Variants in MED12L observed in about 807,000 individuals in gnomAD.
MED12L encodes the protein mediator complex subunit 12L, also known as mediator of RNA polymerase II transcription subunit 12-like protein.
Under a neutral mutation model 281.3 loss-of-function variants are expected in MED12L, and 60 were observed. The observed-to-expected ratio is 0.21, with a 90% CI of 0.17 to 0.26. The LOEUF (loss-of-function observed/expected upper bound fraction) is 0.26. Among genes scored for constraint, MED12L ranks in the 10% least tolerant of loss-of-function variants. The pLI is 1.00. For missense variants in MED12L, 2,146 were observed against 2,680.9 expected, an observed-to-expected ratio of 0.80 and a Z score of 4.41; for synonymous variants, 974 against 987.2, an observed-to-expected ratio of 0.99 and a Z score of 0.25.
At position 151,205,293 on chromosome 3, in the gene MED12L, A is replaced by G. The variant is rs192252996; in HGVS notation, c.2250+11627A>G. 3.0e-3 allele frequency among the ~76,000 whole-genome samples: 458 copies of G among 152,320 alleles called. 2 individuals carry two copies. Among genetic ancestry groups the G allele is most frequent in the African/African-American group, 0.011 (442 of 41,554 alleles). ...CTTGGTCATGGCAGTACTTTTTGTT[A>G]AAGAAATAATCTATTCATTACTTAT... On this transcript the variant is annotated intron_variant, in intron 16 of 44. Transcript: ENST00000687756.
chr3:151,197,526 C>T (rs550215689), intron 16 of MED12L, among the ~76,000 whole-genome samples: 5 of 152,226 alleles, frequency 3.3e-5, no homozygotes, highest in Admixed American at 2.6e-4. Context: ...CTGAGTAGCT[C>T]GGCCTGTGCT....
In MED12L at chr3:151,085,874, G is replaced by A. The variant is rs945661810; in HGVS notation, c.-192G>A. The A allele has an allele frequency of 2.8e-4, 43 of 152,184 alleles. No individual in the cohort carries two copies. Among genetic ancestry groups the A allele is most frequent in the African/African-American group, 9.4e-4 (39 of 41,558 alleles). 9.4% of individuals were successfully genotyped at this position (152,184 alleles called of 1,614,324 possible). ...CCCCCATCCCAACCCGAATGATGGA[G>A]GCTGCGGCGGCCGGAGTGACCCCGC... On this transcript the variant is annotated 5_prime_UTR_variant, in exon 1 of 45. Transcript: ENST00000687756.
In MED12L at chr3:151,119,715, CTAAG is replaced by C. The variant is rs1295704860; in HGVS notation, c.205-3064_205-3061del. Among the ~76,000 whole-genome samples, 3 of 152,188 alleles carry C rather than the reference CTAAG, an allele frequency of 2.0e-5. No individual in the cohort carries two copies. In the East Asian group the frequency reaches 5.8e-4, roughly 29 times the overall value. ...TAAAGTTTTATGTCAGTTTAAATAACTAAGTAAATGGAAATAACATCTATTACAC... is the reference window on the plus strand; with the variant it reads ...TAAAGTTTTATGTCAGTTTAAATAACTAAATGGAAATAACATCTATTACAC... On this transcript the variant is annotated intron_variant, in intron 3 of 44. Transcript: ENST00000687756.
intron 5 of MED12L, among the ~76,000 whole-genome samples, chr3:151,129,760 G>T (rs1405965084): frequency 6.7e-6 from 1 of 149,718 alleles, no homozygotes; most frequent in Non-Finnish European, 1.5e-5. Context: ...TATCTCCACT[G>T]GATTAACTTA....
intron 5 of MED12L, among the ~76,000 whole-genome samples, chr3:151,151,519 G>T (rs371158448): frequency 3.4e-5 from 5 of 145,850 alleles, no homozygotes; most frequent in Non-Finnish European, 4.4e-5. Flanking sequence ...ACACTTAAAG[G>T]TTATTGTAGG....
intron 2 of MED12L, among the ~76,000 whole-genome samples, chr3:151,096,870 C>T (rs879271429): frequency 4.6e-5 from 7 of 152,248 alleles, no homozygotes; most frequent in African/African-American, 7.2e-5. Context: ...AACACCCTCA[C>T]GTTGCCCTGG....
intron 16 of MED12L, among the ~76,000 whole-genome samples, chr3:151,270,964 T>G (rs1276459290): frequency 6.6e-6 from 1 of 151,900 alleles, no homozygotes; most frequent in Non-Finnish European, 1.5e-5. Flanking sequence ...ATGTTAAAAG[T>G]GTACAAGTTG....
chr3:151,148,252 A>G (rs1717996478), intron 5 of MED12L, among the ~76,000 whole-genome samples: 1 of 152,158 alleles, frequency 6.6e-6, no homozygotes, highest in Admixed American at 6.5e-5. Context: ...TTCTAGATCC[A>G]ACTCCTTTAT....
chr3:151,363,477 A>C (rs1026307889), intron 21 of MED12L, among the ~76,000 whole-genome samples: 8 of 152,142 alleles, frequency 5.3e-5, no homozygotes, highest in African/African-American at 1.9e-4. Context: ...TCTACCACTG[A>C]TTGAGCTACT....
At chr3:151,390,217 A>G in intron 38 of MED12L, 82 bp downstream of exon 38, 2 of 1,376,082 alleles carry the variant, frequency 1.5e-6, no homozygotes, top group Non-Finnish European at 1.0e-6. Flanking sequence ...AACCTCCACA[A>G]AACTTGGACA....
At chr3:151,245,184 A>G (rs1432332029) in intron 16 of MED12L, among the ~76,000 whole-genome samples, 4 of 152,236 alleles carry the variant, frequency 2.6e-5, no homozygotes, top group African/African-American at 9.6e-5. Flanking sequence ...GAATTCTACC[A>G]GAGGTATAAG....
intron 16 of MED12L, chr3:151,340,913 T>C (rs1473373639): frequency 6.6e-6 from 1 of 152,226 alleles, no homozygotes; most frequent in Non-Finnish European, 1.5e-5. Flanking sequence ...TGAGGATGGC[T>C]GAGAAGTCAT....
chr3:151,109,086 C>T (rs1462346168), intron 2 of MED12L, among the ~76,000 whole-genome samples: 5 of 149,882 alleles, frequency 3.3e-5, no homozygotes. Flanking sequence ...GAGATGGAGT[C>T]TCGCTCTGTC....
At chr3:151,407,785 C>A (rs1339020226) in intron 39 of MED12L, among the ~76,000 whole-genome samples, 1 of 152,086 alleles carries the variant, frequency 6.6e-6, no homozygotes, top group Non-Finnish European at 1.5e-5. Flanking sequence ...CTCAGAGGTA[C>A]ACTCAAAAAT....
chr3:151,253,118 C>T (rs1205456008), intron 16 of MED12L, among the ~76,000 whole-genome samples: 6 of 152,184 alleles, frequency 3.9e-5, no homozygotes, highest in Admixed American at 3.3e-4. Flanking sequence ...ACAGAATCCA[C>T]TAGCATGCAG....
intron 16 of MED12L, among the ~76,000 whole-genome samples, chr3:151,275,778 A>C (rs183842154): frequency 1.9e-4 from 29 of 152,312 alleles, no homozygotes; most frequent in Admixed American, 7.2e-4. Flanking sequence ...TGAGAATTTA[A>C]AATAGATTTT....
At chr3:151,087,614 A>G (rs112962478) in intron 2 of MED12L, among the ~76,000 whole-genome samples, 5 of 152,316 alleles carry the variant, frequency 3.3e-5, no homozygotes, top group African/African-American at 1.2e-4. Context: ...CTCTAGAGGC[A>G]ATGGGCTTAA....
intron 43 of MED12L, 23 bp downstream of exon 43, chr3:151,416,445 C>G (rs888950376): frequency 6.2e-7 from 1 of 1,605,080 alleles, no homozygotes; most frequent in Non-Finnish European, 8.5e-7. Flanking sequence ...GTTTTGGAAT[C>G]AGACATGTGG....
At chr3:151,302,768 C>G (rs1281991756) in intron 16 of MED12L, among the ~76,000 whole-genome samples, 1 of 152,190 alleles carries the variant, frequency 6.6e-6, no homozygotes, top group East Asian at 1.9e-4. Flanking sequence ...CAGCCATAAC[C>G]TGATCTCTTT....
Sources: allele counts gnomAD v4.1 joint callset (sites outside exome capture counted in the v4.1 genomes callset), GRCh38; gene constraint gnomAD v4.1.1; transcripts MANE v1.5; gene names NCBI Gene and HGNC (gene_info 2026-07-23, HGNC 2026-07-21).